Variants in SHANK2 observed in about 807,000 individuals in gnomAD.
SHANK2 encodes the protein SH3 and multiple ankyrin repeat domains protein 2.
Under a neutral mutation model 133.7 loss-of-function variants are expected in SHANK2, and 43 were observed. The observed-to-expected ratio is 0.32, with a 90% CI of 0.25 to 0.41. SHANK2 has a LOEUF of 0.41. Among genes scored for constraint, SHANK2 ranks in the 10% least tolerant of loss-of-function variants. SHANK2 has a pLI of 1.00. For missense variants in SHANK2, 1,994 were observed against 2,235.8 expected, an observed-to-expected ratio of 0.89 and a Z score of 2.18; for synonymous variants, 1,017 against 952.8, an observed-to-expected ratio of 1.07 and a Z score of -1.24.
intron 2 of SHANK2, among the ~76,000 whole-genome samples, chr11:71,148,046 G>A (rs1952690172): frequency 6.6e-6 from 1 of 151,410 alleles, no homozygotes; most frequent in Admixed American, 6.6e-5. Flanking sequence ...AAAGAGTCAG[G>A]CCAGGTTGCC....
intron 1 of SHANK2, among the ~76,000 whole-genome samples, chr11:71,241,397 C>T (rs1035612739): frequency 2.0e-5 from 3 of 152,112 alleles, no homozygotes; most frequent in South Asian, 2.1e-4. Context: ...CCGGAAGCCC[C>T]GCTTCCCCTG....
intron 2 of SHANK2, among the ~76,000 whole-genome samples, chr11:71,204,911 T>A (rs1954099073): frequency 6.6e-6 from 1 of 151,752 alleles, no homozygotes; most frequent in Non-Finnish European, 1.5e-5. Flanking sequence ...GGTAGGAGGG[T>A]CCCTCTGCAG....
intron 17 of SHANK2, chr11:70,646,442 C>A (rs973546527): frequency 1.3e-5 from 2 of 152,410 alleles, no homozygotes; most frequent in Non-Finnish European, 2.9e-5. Flanking sequence ...GGCCACCCTG[C>A]CATCCCTCAA....
chr11:70,631,395 C>CACACAT (rs1215299012), intron 17 of SHANK2, among the ~76,000 whole-genome samples: 8 of 150,190 alleles, frequency 5.3e-5, no homozygotes, highest in African/African-American at 1.7e-4. Context: ...CACACACACA[C>CACACAT]ACACACACAC....
chr11:70,546,224 C>T (rs1021622259), intron 17 of SHANK2, among the ~76,000 whole-genome samples: 1 of 150,522 alleles, frequency 6.6e-6, no homozygotes, highest in Non-Finnish European at 1.5e-5. Context: ...CAGGTGTGAA[C>T]CACTGCGCCC....
chr11:71,165,767 G>A (rs144016820), intron 2 of SHANK2, among the ~76,000 whole-genome samples: 15 of 152,280 alleles, frequency 9.9e-5, no homozygotes, highest in Non-Finnish European at 1.6e-4. Flanking sequence ...TTTACGTGGT[G>A]TAGTCATGTA....
intron 11 of SHANK2, among the ~76,000 whole-genome samples, chr11:70,844,819 G>A (rs1168206603): frequency 6.6e-6 from 1 of 152,156 alleles, no homozygotes; most frequent in Non-Finnish European, 1.5e-5. Flanking sequence ...GCGCCCCCAT[G>A]GCCCTGGGCA....
chr11:70,598,926 CAAA>C (rs61220609), intron 17 of SHANK2, among the ~76,000 whole-genome samples: 7 of 113,098 alleles, frequency 6.2e-5, no homozygotes, highest in Admixed American at 1.8e-4. Flanking sequence ...AGCTGCATGT[CAAA>C]AAAAAAAAAA....
chr11:70,615,549 G>A (rs1423048104), intron 17 of SHANK2, among the ~76,000 whole-genome samples: 1 of 152,194 alleles, frequency 6.6e-6, no homozygotes, highest in African/African-American at 2.4e-5. Flanking sequence ...GCGCAAGGGA[G>A]CACATGCAGT....
intron 12 of SHANK2, among the ~76,000 whole-genome samples, chr11:70,809,126 G>A (rs1362360171): frequency 1.3e-5 from 2 of 152,198 alleles, no homozygotes; most frequent in African/African-American, 2.4e-5. Context: ...GCATCTACAC[G>A]GAGGAAGTTG....
intron 14 of SHANK2, among the ~76,000 whole-genome samples, chr11:70,726,349 A>AACCTCTGG (rs2134693581): frequency 6.6e-6 from 1 of 152,246 alleles, no homozygotes; most frequent in East Asian, 1.9e-4. Flanking sequence ...GAGCACCAGA[A>AACCTCTGG]ACCTCTGGTC....
intron 2 of SHANK2, among the ~76,000 whole-genome samples, chr11:71,149,409 C>A (rs1555107423): frequency 6.6e-6 from 1 of 152,204 alleles, no homozygotes; most frequent in Admixed American, 6.5e-5. Flanking sequence ...ATAATTTGCC[C>A]TCTAGAAACT....
chr11:70,714,252 G>A (rs1945861188), intron 14 of SHANK2, among the ~76,000 whole-genome samples: 1 of 152,226 alleles, frequency 6.6e-6, no homozygotes, highest in African/African-American at 2.4e-5. Flanking sequence ...GGAGGAGAAG[G>A]AGAGAAAGAG....
intron 9 of SHANK2, among the ~76,000 whole-genome samples, chr11:71,073,147 C>A (rs1323382870): frequency 4.8e-5 from 3 of 62,756 alleles, no homozygotes; most frequent in Non-Finnish European, 1.2e-4. Flanking sequence ...TTTTTCTTTT[C>A]TTTTTTTTCT....
At chr11:70,599,848 CGAAAGAAAGAAATAAAAA>C (rs2060456210) in intron 17 of SHANK2, among the ~76,000 whole-genome samples, 1 of 55,220 alleles carries the variant, frequency 1.8e-5, no homozygotes, top group African/African-American at 9.7e-5. Flanking sequence ...AAGGAGAGAA[CGAAAGAAAGAAATAAAAA>C]GAAAGAAAGA....
intron 10 of SHANK2, among the ~76,000 whole-genome samples, chr11:70,944,510 A>T (rs1206103446): frequency 6.6e-6 from 1 of 152,216 alleles, no homozygotes; most frequent in African/African-American, 2.4e-5. Flanking sequence ...CTGATTTGCT[A>T]GAACACTGGT....
intron 10 of SHANK2, among the ~76,000 whole-genome samples, chr11:70,930,624 C>T (rs1950488863): frequency 6.7e-6 from 1 of 149,746 alleles, no homozygotes; most frequent in Admixed American, 6.6e-5. Context: ...ATCTTGCAAA[C>T]ATAAATGCCT....
intron 2 of SHANK2, among the ~76,000 whole-genome samples, chr11:71,219,019 C>T (rs147417707): frequency 6.6e-6 from 1 of 152,332 alleles, no homozygotes; most frequent in East Asian, 1.9e-4. Context: ...TGTAACGGAG[C>T]TTACCCAAGG....
chr11:70,932,011 T>C (rs1950511085), intron 10 of SHANK2, among the ~76,000 whole-genome samples: 2 of 152,214 alleles, frequency 1.3e-5, no homozygotes, highest in African/African-American at 4.8e-5. Context: ...CCAATTTCCA[T>C]AAGCCCACTC....
Sources: allele counts gnomAD v4.1 joint callset (sites outside exome capture counted in the v4.1 genomes callset), GRCh38; gene constraint gnomAD v4.1.1; transcripts MANE v1.5; gene names NCBI Gene and HGNC (gene_info 2026-07-23, HGNC 2026-07-21).